Variants in APBA2 observed in about 807,000 individuals in gnomAD.
APBA2 encodes amyloid beta precursor protein binding family A member 2, also known as amyloid-beta A4 precursor protein-binding family A member 2.
APBA2 carries 30 observed loss-of-function variants against 75.0 expected under a neutral mutation model. The observed-to-expected ratio is 0.40, with a 90% confidence interval of 0.30 to 0.54. The LOEUF (loss-of-function observed/expected upper bound fraction) is 0.54. APBA2 is among the 20% of genes least tolerant of loss of function. The pLI, the probability that APBA2 is intolerant of heterozygous loss-of-function variation, is 0.49. For missense variants in APBA2, 801 were observed against 1,016.1 expected, an observed-to-expected ratio of 0.79 and a Z score of 2.88; for synonymous variants, 444 against 409.6, an observed-to-expected ratio of 1.08 and a Z score of -1.01.
chr15:29,048,045 G>C (rs57128841), intron 3 of APBA2, among the ~76,000 whole-genome samples: 2 of 152,126 alleles, frequency 1.3e-5, no homozygotes, highest in South Asian at 2.1e-4. Flanking sequence ...ACTCAGTATT[G>C]TAAGTATGAA....
intron 3 of APBA2, among the ~76,000 whole-genome samples, chr15:29,017,186 G>A (rs2039704899): frequency 1.3e-5 from 2 of 152,182 alleles, no homozygotes; most frequent in African/African-American, 4.8e-5. Context: ...GTGGTGGGAA[G>A]AGGGTCAGAA....
rs570518192 is a variant in APBA2 at position 28,948,509 on chromosome 15, C to A, written c.-95+26760C>A. Among the ~76,000 whole-genome samples, 3 of 152,252 alleles carry A rather than the reference C, an allele frequency of 2.0e-5. No homozygotes were observed. The South Asian group carries it at 6.2e-4, about 32-fold the overall frequency. ...CAGAGTTTGGTAGGTGATGGGGACA[C>A]GCCTGTTGGAGAGTCCTGGTGTGTC... On this transcript the variant is annotated intron_variant, in intron 2 of 14. Coordinates refer to ENST00000683413, the MANE Select transcript of APBA2 (RefSeq NM_001353788.2).
chr15:28,987,990 C>G (rs2038019245), intron 2 of APBA2, among the ~76,000 whole-genome samples: 2 of 151,708 alleles, frequency 1.3e-5, no homozygotes, highest in Admixed American at 6.6e-5. Context: ...TTCCTGACCT[C>G]AAGTGGTCTG....
chr15:29,010,002 C>T (rs1007529352), intron 3 of APBA2, among the ~76,000 whole-genome samples: 1 of 152,100 alleles, frequency 6.6e-6, no homozygotes, highest in East Asian at 1.9e-4. Flanking sequence ...CGTGATTGTA[C>T]CCAATTACAC....
intron 2 of APBA2, among the ~76,000 whole-genome samples, chr15:28,988,115 A>G (rs2038025672): frequency 6.6e-6 from 1 of 152,128 alleles, no homozygotes; most frequent in Non-Finnish European, 1.5e-5. Context: ...CCCCAGTTGC[A>G]TCTTGTCTTT....
intron 4 of APBA2, among the ~76,000 whole-genome samples, chr15:29,066,040 A>C (rs1468126102): frequency 6.6e-6 from 1 of 152,132 alleles, no homozygotes; most frequent in African/African-American, 2.4e-5. Flanking sequence ...CTTTCTCATT[A>C]GCCCCTGTCC....
chr15:29,094,546 C>T (rs1158455699), intron 8 of APBA2, among the ~76,000 whole-genome samples: 1 of 152,224 alleles, frequency 6.6e-6, no homozygotes, highest in Non-Finnish European at 1.5e-5. Context: ...CTTAGCATCT[C>T]CTGTGTACTG....
At chr15:28,985,730 G>A (rs370159262) in intron 2 of APBA2, among the ~76,000 whole-genome samples, 1 of 152,200 alleles carries the variant, frequency 6.6e-6, no homozygotes, top group Non-Finnish European at 1.5e-5. Context: ...TGGATGTAAC[G>A]AGTTCTTGCT....
intron 1 of APBA2, among the ~76,000 whole-genome samples, chr15:28,890,948 C>CT (rs1595388552): frequency 1.3e-5 from 2 of 152,040 alleles, no homozygotes; most frequent in East Asian, 1.9e-4. Context: ...GTCATAAACT[C>CT]TAAGGGGCTG....
intron 2 of APBA2, among the ~76,000 whole-genome samples, chr15:28,952,366 C>A (rs1406404442): frequency 1.3e-5 from 2 of 151,188 alleles, no homozygotes; most frequent in African/African-American, 4.9e-5. Flanking sequence ...CTTGTCTCTA[C>A]AAAAAAATTA....
chr15:28,940,195 G>A (rs1404509475), intron 2 of APBA2, among the ~76,000 whole-genome samples: 2 of 151,872 alleles, frequency 1.3e-5, no homozygotes, highest in Non-Finnish European at 2.9e-5. Flanking sequence ...AAGGAGATAC[G>A]GAGGAAAGGT....
At chr15:28,906,127 C>T (rs781223393) in intron 1 of APBA2, among the ~76,000 whole-genome samples, 22 of 152,066 alleles carry the variant, frequency 1.4e-4, no homozygotes, top group Middle Eastern at 6.8e-3. Flanking sequence ...ATTTGCAGTT[C>T]GATCCCCCAG....
At chr15:28,977,054 A>G (rs2037375610) in intron 2 of APBA2, 1 of 152,238 alleles carries the variant, frequency 6.6e-6, no homozygotes, top group Non-Finnish European at 1.5e-5. Context: ...TTCCTTCAAC[A>G]CTACCATTTT....
intron 3 of APBA2, among the ~76,000 whole-genome samples, chr15:29,008,598 A>T (rs2039245251): frequency 6.6e-6 from 1 of 152,068 alleles, no homozygotes; most frequent in Admixed American, 6.5e-5. Context: ...TGTCCTAGCT[A>T]CTCAGGAGGC....
At chr15:29,077,293 C>T (rs1180702429) in intron 6 of APBA2, among the ~76,000 whole-genome samples, 2 of 152,148 alleles carry the variant, frequency 1.3e-5, no homozygotes, top group Non-Finnish European at 2.9e-5. Context: ...GCTGGCACCT[C>T]GTGAGCAGGG....
chr15:29,108,604 T>C (rs2044566366), intron 13 of APBA2: 1 of 701,592 alleles, frequency 1.4e-6, no homozygotes, highest in Non-Finnish European at 2.3e-6. Flanking sequence ...TGGCCGTGGA[T>C]TGGGCCCCTC....
rs117052863 is a variant in APBA2, at chr15:28,950,044, C to T, written c.-95+28295C>T. On this transcript the variant is annotated intron_variant, in intron 2 of 14. Coordinates refer to ENST00000683413, the MANE Select transcript of APBA2 (RefSeq NM_001353788.2). ...GCCACTACGTTACCTATAGTCCTTGCGTCTCCTTAGCCTCCTCTGGTCTGT... is the reference window on the plus strand; with the variant it reads ...GCCACTACGTTACCTATAGTCCTTGTGTCTCCTTAGCCTCCTCTGGTCTGT... Among the ~76,000 whole-genome samples, 7 of 152,244 alleles carry T rather than the reference C, an allele frequency of 4.6e-5. No homozygotes were observed. The East Asian group carries it at 1.4e-3, about 29-fold the overall frequency.
At chr15:29,052,412 G>A (rs995965370) in intron 3 of APBA2, among the ~76,000 whole-genome samples, 1 of 137,312 alleles carries the variant, frequency 7.3e-6, no homozygotes, top group African/African-American at 3.1e-5. Flanking sequence ...CTGAGATGGT[G>A]CCACTGCACT....
At chr15:28,982,448 C>T (rs557590158) in intron 2 of APBA2, among the ~76,000 whole-genome samples, 7 of 152,174 alleles carry the variant, frequency 4.6e-5, no homozygotes, top group Non-Finnish European at 1.0e-4. Context: ...TCCAGAATAC[C>T]TGGTTGCAGG....
Sources: gnomAD v4.1 joint callset for allele counts (sites outside exome capture counted in the v4.1 genomes callset) on GRCh38, gnomAD v4.1.1 for gene constraint, MANE v1.5 for transcripts, NCBI Gene and HGNC (gene_info 2026-07-23, HGNC 2026-07-21) for gene names.